Variants in SPIDR observed in about 807,000 individuals in gnomAD.
SPIDR encodes scaffold protein involved in DNA repair.
A neutral mutation model predicts 104.6 loss-of-function variants in SPIDR; 93 were observed. The ratio of observed to expected loss-of-function variants is 0.89; its 90% confidence interval spans 0.75 to 1.06. SPIDR has a LOEUF of 1.06. SPIDR is among the 50% of genes least tolerant of loss of function. SPIDR has a pLI of 0.00. For missense variants in SPIDR, 1,154 were observed against 1,111.2 expected, an observed-to-expected ratio of 1.04 and a Z score of -0.55; for synonymous variants, 431 against 416.9, an observed-to-expected ratio of 1.03 and a Z score of -0.41.
At chr8:47,260,907 G>C, upstream of SPIDR, 1 of 1,210,238 alleles carries the variant, frequency 8.3e-7, no homozygotes, top group Non-Finnish European at 1.0e-6. Context: ...GCGCGCCGAG[G>C]TGGGACGGCG....
At chr8:47,644,396 G>C (rs774565352) in intron 10 of SPIDR, among the ~76,000 whole-genome samples, 2 of 152,224 alleles carry the variant, frequency 1.3e-5, no homozygotes. Context: ...GGCACATTCT[G>C]TGATGATGAC....
chr8:47,269,503 A>C (rs1438405489), intron 1 of SPIDR, among the ~76,000 whole-genome samples: 1 of 148,120 alleles, frequency 6.8e-6, no homozygotes, highest in African/African-American at 2.5e-5. Flanking sequence ...TGATCCGCCC[A>C]CCTTGGCCTC....
intron 8 of SPIDR, among the ~76,000 whole-genome samples, chr8:47,582,783 G>T (rs1588044781): frequency 6.6e-6 from 1 of 150,776 alleles, no homozygotes; most frequent in South Asian, 2.1e-4. Flanking sequence ...GTCACTTGTT[G>T]TCTGGGCAAC....
In SPIDR at chr8:47,440,384, A is replaced by G. The variant is rs782675323; in HGVS notation, c.939A>G (p.Gln313=). The change falls in exon 8 of 20, where the codon CAA becomes CAG. Residue 313 remains glutamine, a synonymous_variant. Coordinates refer to ENST00000297423, the MANE Select transcript of SPIDR (RefSeq NM_001080394.4). ...AGCTGCATGAGGAATGTGCCATGCAAGTTGCCATGTGTGAGCAGTTATTGG... is the reference window on the plus strand; with the variant it reads ...AGCTGCATGAGGAATGTGCCATGCAGGTTGCCATGTGTGAGCAGTTATTGG... The part of the protein sequence containing the change: ...ILELHEECAM[Q]VAMCEQLLGS... 6.8e-6 allele frequency: 11 copies of G among 1,614,236 alleles called. No homozygotes were observed. Among genetic ancestry groups the G allele is most frequent in the Admixed American group, 6.7e-5 (4 of 60,032 alleles).
At chr8:47,433,510 G>C (rs1486900945) in intron 7 of SPIDR, among the ~76,000 whole-genome samples, 1 of 152,144 alleles carries the variant, frequency 6.6e-6, no homozygotes, top group Non-Finnish European at 1.5e-5. Flanking sequence ...AACATGAATG[G>C]GCTGTTCTCT....
chr8:47,379,967 TTCTC>T (rs2059131634), intron 5 of SPIDR, among the ~76,000 whole-genome samples: 1 of 152,220 alleles, frequency 6.6e-6, no homozygotes, highest in Admixed American at 6.5e-5. Flanking sequence ...TTCTCAGGAC[TTCTC>T]TCTCAATTTC....
chr8:47,388,402 A>G (rs2060196518), intron 5 of SPIDR: 1 of 154,158 alleles, frequency 6.5e-6, no homozygotes, highest in Non-Finnish European at 1.5e-5. Context: ...AGCTGGTTTT[A>G]AAAGAAGAGA....
At chr8:47,359,321 A>G (rs1464071385) in intron 5 of SPIDR, among the ~76,000 whole-genome samples, 1 of 151,680 alleles carries the variant, frequency 6.6e-6, no homozygotes, top group African/African-American at 2.4e-5. Context: ...CCACCTTGGC[A>G]CATTCGATGA....
chr8:47,499,559 T>A (rs537770762), intron 8 of SPIDR, among the ~76,000 whole-genome samples: 68 of 151,824 alleles, frequency 4.5e-4, no homozygotes, highest in Non-Finnish European at 7.5e-4. Flanking sequence ...TTTTTTTTTT[T>A]ACCCTTGATT....
At chr8:47,376,632 T>C (rs1182136940) in intron 5 of SPIDR, among the ~76,000 whole-genome samples, 1 of 152,210 alleles carries the variant, frequency 6.6e-6, no homozygotes, top group African/African-American at 2.4e-5. Flanking sequence ...TTCAGAACAT[T>C]TGATGTTGTA....
intron 8 of SPIDR, chr8:47,511,557 TC>T: frequency 1.3e-6 from 1 of 782,712 alleles, no homozygotes; most frequent in Non-Finnish European, 2.4e-6. Context: ...TTCTGAGTCC[TC>T]CATTATCCAG....
chr8:47,396,838 A>G (rs868994086), intron 6 of SPIDR, among the ~76,000 whole-genome samples: 1 of 152,174 alleles, frequency 6.6e-6, no homozygotes, highest in Non-Finnish European at 1.5e-5. Flanking sequence ...TGGGTTATCA[A>G]ATGTTATTGA....
intron 11 of SPIDR, among the ~76,000 whole-genome samples, chr8:47,692,993 T>C (rs1285848256): frequency 1.3e-5 from 2 of 152,210 alleles, no homozygotes; most frequent in African/African-American, 4.8e-5. Context: ...TGGCCTCATT[T>C]TACCATCCCA....
intron 7 of SPIDR, among the ~76,000 whole-genome samples, chr8:47,437,873 G>C (rs959415309): frequency 1.8e-4 from 28 of 152,262 alleles, no homozygotes; most frequent in Non-Finnish European, 3.7e-4. Flanking sequence ...ATTTGACCCA[G>C]CCATCCCATT....
chr8:47,575,658 A>AG (rs2059014594), intron 8 of SPIDR, among the ~76,000 whole-genome samples: 3 of 141,716 alleles, frequency 2.1e-5, no homozygotes, highest in East Asian at 2.1e-4. Flanking sequence ...AAAAAAAAAA[A>AG]AAAAAGAAAG....
intron 9 of SPIDR, 99 bp from the exon 10 acceptor site, chr8:47,598,847 T>C (rs1588224952): frequency 6.7e-7 from 1 of 1,485,158 alleles, no homozygotes; most frequent in East Asian, 2.3e-5. Flanking sequence ...GGGTGGCTGC[T>C]TAAGGATGTC....
chr8:47,733,831 C>G (rs1315157885), intron 19 of SPIDR, among the ~76,000 whole-genome samples: 1 of 152,118 alleles, frequency 6.6e-6, no homozygotes, highest in East Asian at 1.9e-4. Context: ...AGTTCCTTCT[C>G]TTTGCCTGTC....
chr8:47,575,224 C>G (rs2058939733), intron 8 of SPIDR, among the ~76,000 whole-genome samples: 1 of 151,960 alleles, frequency 6.6e-6, no homozygotes. Flanking sequence ...GAAGGTGGTC[C>G]CCACCATTCA....
At chr8:47,683,960 A>G (rs1211714449) in intron 11 of SPIDR, among the ~76,000 whole-genome samples, 3 of 151,832 alleles carry the variant, frequency 2.0e-5, no homozygotes, top group Non-Finnish European at 4.4e-5. Context: ...CCCCGTCTAT[A>G]CTAAAAATGC....
Sources: gnomAD v4.1 joint callset for allele counts (sites outside exome capture counted in the v4.1 genomes callset) on GRCh38, gnomAD v4.1.1 for gene constraint, MANE v1.5 for transcripts, NCBI Gene and HGNC (gene_info 2026-07-23, HGNC 2026-07-21) for gene names.